Variants in SLC4A7 observed in about 807,000 individuals in gnomAD.
SLC4A7 encodes the protein solute carrier family 4 member 7, also known as sodium bicarbonate cotransporter 3.
Under a neutral mutation model 137.6 loss-of-function variants are expected in SLC4A7, and 51 were observed. That is an observed-to-expected ratio of 0.37 (90% CI 0.30 to 0.47). The LOEUF (loss-of-function observed/expected upper bound fraction) is 0.47. Among genes scored for constraint, SLC4A7 ranks in the 20% least tolerant of loss-of-function variants. SLC4A7 has a pLI of 1.00. For synonymous variants in SLC4A7, 542 were observed against 518.6 expected (o/e 1.05, Z -0.61); for missense variants, 1,247 against 1,525.4 (o/e 0.82, Z 3.04).
chr3:27,457,384 G>A (rs2058467451), intron 1 of SLC4A7, among the ~76,000 whole-genome samples: 2 of 152,150 alleles, frequency 1.3e-5, no homozygotes, highest in Admixed American at 6.5e-5. Flanking sequence ...CTTAATAGAA[G>A]ACAACTGGAT....
intron 2 of SLC4A7, among the ~76,000 whole-genome samples, chr3:27,450,537 A>T (rs879674376): frequency 5.9e-5 from 9 of 152,150 alleles, no homozygotes; most frequent in Non-Finnish European, 1.0e-4. Context: ...GAAATTAAAG[A>T]GTCAAATTCC....
intron 1 of SLC4A7, among the ~76,000 whole-genome samples, chr3:27,468,326 T>C (rs1559840187): frequency 6.6e-6 from 1 of 152,242 alleles, no homozygotes; most frequent in African/African-American, 2.4e-5. Flanking sequence ...ATAAGTTGTA[T>C]ATTAGGATAA....
At chr3:27,417,313 C>G (rs767613923) in intron 11 of SLC4A7, among the ~76,000 whole-genome samples, 2 of 152,174 alleles carry the variant, frequency 1.3e-5, no homozygotes, top group South Asian at 4.1e-4. Context: ...ACATAAAATA[C>G]GCTATCATAA....
At chr3:27,400,730 T>G (rs755557840) in intron 16 of SLC4A7, 34 bp downstream of exon 16, 2 of 1,243,094 alleles carry the variant, frequency 1.6e-6, no homozygotes, top group Non-Finnish European at 2.3e-6. Flanking sequence ...GATCAATATC[T>G]ATTACAAAAC....
At chr3:27,459,656 C>G (rs2058588129) in intron 1 of SLC4A7, among the ~76,000 whole-genome samples, 1 of 151,964 alleles carries the variant, frequency 6.6e-6, no homozygotes, top group Non-Finnish European at 1.5e-5. Flanking sequence ...ATATAACTTG[C>G]TTTTTTCACT....
chr3:27,435,758 T>C (rs987177716), intron 5 of SLC4A7, among the ~76,000 whole-genome samples: 1 of 152,108 alleles, frequency 6.6e-6, no homozygotes. Context: ...GGGAGATCAC[T>C]TGAGCCCAGG....
At chr3:27,431,111 C>T (rs9858651) in intron 7 of SLC4A7, among the ~76,000 whole-genome samples, 187 bp downstream of exon 7, 2 of 151,938 alleles carry the variant, frequency 1.3e-5, no homozygotes, top group Non-Finnish European at 2.9e-5. Flanking sequence ...CTTTCAACGG[C>T]GAAAACCGCA....
chr3:27,433,957 A>G lies in SLC4A7; in HGVS notation c.737T>C (p.Ile246Thr), dbSNP rs767702435. 3.1e-6 allele frequency: 5 copies of G among 1,613,904 alleles called. No homozygotes were observed. The South Asian group carries it at 3.3e-5, about 11-fold the overall frequency. ...RIPLVRSFAD[I>T]GKKHSDPHLL... ...GTGAGGGTCAGAATGTTTCTTGCCT[A>G]TATCTGCAAAAGATCGAACAAGAGG... The change falls in exon 6 of 26, where the codon ATA (isoleucine) becomes ACA (threonine). Residue 246 changes from isoleucine (I) to threonine (T), a missense_variant. Ile to Thr is a moderately conservative substitution (Grantham distance 89, BLOSUM62 -1). Transcript: ENST00000454389.
intron 1 of SLC4A7, among the ~76,000 whole-genome samples, chr3:27,483,477 C>T (rs923574738): frequency 2.0e-5 from 3 of 152,186 alleles, no homozygotes; most frequent in East Asian, 1.9e-4. Context: ...AGAGCCTTGG[C>T]CGGGAAGGAG....
chr3:27,428,437 T>A (rs2055887848), intron 7 of SLC4A7, among the ~76,000 whole-genome samples: 1 of 152,254 alleles, frequency 6.6e-6, no homozygotes, highest in African/African-American at 2.4e-5. Flanking sequence ...GCAGCCATAC[T>A]ACTATTATAA....
intron 1 of SLC4A7, among the ~76,000 whole-genome samples, chr3:27,470,668 C>T (rs1576653692): frequency 1.3e-5 from 2 of 149,864 alleles, no homozygotes; most frequent in African/African-American, 4.9e-5. Context: ...AACAGCCAGG[C>T]ACGGTGGCTC....
chr3:27,420,699 C>A lies in SLC4A7; in HGVS notation c.1512+1G>T. 6.3e-7 allele frequency: 1 copy of A among 1,591,702 alleles called. No individual in the cohort carries two copies. Among genetic ancestry groups the A allele is most frequent in the Non-Finnish European group, 8.6e-7 (1 of 1,159,766 alleles). The stretch of plus-strand genomic sequence containing the variant: ...AAAGAGACTTGGAGTATTCTGATTA[C>A]CTCATCTGTCATGAGAGTGGCTATT... On this transcript the variant is annotated splice_donor_variant, in intron 10 of 25. Transcript: ENST00000454389. LOFTEE classifies it high-confidence loss of function.
In SLC4A7 at chr3:27,400,858, G is replaced by C; in HGVS notation, c.2333C>G (p.Thr778Ser). 6.4e-7 allele frequency: 1 copy of C among 1,571,830 alleles called. No individual in the cohort carries two copies. The highest frequency in any genetic ancestry group is 8.8e-7 in the Non-Finnish European group (1 of 1,142,268). The change falls in exon 16 of 26, where the codon ACT (threonine) becomes AGT (serine). Residue 778 changes from threonine to serine, a missense_variant. By Grantham distance (58) the Thr-to-Ser change is moderately conservative. Coordinates refer to ENST00000454389, the MANE Select transcript of SLC4A7 (RefSeq NM_001321103.2). The part of the protein sequence containing the change: ...DKLTSYSCVC[T>S]EPPNPSNETL... ...TTCATTGCTGGGGTTTGGAGGTTCA[G>C]TACATACACATCTGAGAAATTAGAG...
intron 22 of SLC4A7, among the ~76,000 whole-genome samples, chr3:27,389,062 C>T (rs2051266429): frequency 6.6e-6 from 1 of 151,990 alleles, no homozygotes. Context: ...TTCTTCTTTA[C>T]ATGTGCTTGG....
intron 20 of SLC4A7, among the ~76,000 whole-genome samples, chr3:27,392,894 C>T (rs2150092777): frequency 6.6e-6 from 1 of 152,036 alleles, no homozygotes; most frequent in African/African-American, 2.4e-5. Flanking sequence ...AAAATTAAAT[C>T]TATAAATATC....
chr3:27,466,588 G>T (rs2059010882), intron 1 of SLC4A7, among the ~76,000 whole-genome samples: 2 of 152,138 alleles, frequency 1.3e-5, no homozygotes. Flanking sequence ...AGCACTTTGG[G>T]AAGCTGAGGC....
At chr3:27,466,630 C>T (rs954994590) in intron 1 of SLC4A7, among the ~76,000 whole-genome samples, 2 of 152,132 alleles carry the variant, frequency 1.3e-5, no homozygotes, top group Non-Finnish European at 2.9e-5. Context: ...GAGTTCGAGA[C>T]CAGCCTAGCC....
chr3:27,429,869 A>C (rs1243065481), intron 7 of SLC4A7, among the ~76,000 whole-genome samples: 7 of 86,808 alleles, frequency 8.1e-5, no homozygotes, highest in African/African-American at 1.5e-4. Context: ...CCGCCCAAGC[A>C]AAAAAAAAAA....
chr3:27,452,453 T>C lies in SLC4A7; in HGVS notation c.106A>G (p.Thr36Ala), dbSNP rs2058137694. 2 of 1,605,054 alleles carry C rather than the reference T, an allele frequency of 1.2e-6. No homozygotes were observed. The highest frequency in any genetic ancestry group is 1.1e-5 in the South Asian group (1 of 89,040). ...AVVDLGKTSS[T>A]VNTKFEKEEL... Reference sequence around the variant, plus strand: ...TCTTTTTCAAACTTGGTGTTCACAGTTGAGCTAGTTTTGCCAAGATCCACA... The same window carrying C: ...TCTTTTTCAAACTTGGTGTTCACAGCTGAGCTAGTTTTGCCAAGATCCACA... Residue 36 changes from threonine (T) to alanine (A), a missense_variant, in exon 2 of 26, where the codon ACT (threonine) becomes GCT (alanine). This residue lies in a region of SLC4A7 where 176 missense variants were observed against 186.4 expected (regional missense o/e 0.94). Transcript: ENST00000454389.
Sources: gnomAD v4.1 joint callset for allele counts (sites outside exome capture counted in the v4.1 genomes callset) on GRCh38, gnomAD v4.1.1 for gene constraint, gnomAD v4.1.1 regional missense constraint, MANE v1.5 for transcripts, NCBI Gene and HGNC (gene_info 2026-07-23, HGNC 2026-07-21) for gene names.